The following SLC22A15 variants were observed in gnomAD, a reference collection of about 807,000 sequenced individuals.
SLC22A15 encodes the protein solute carrier family 22 member 15.
Under a neutral mutation model 62.7 loss-of-function variants are expected in SLC22A15, and 45 were observed. The observed-to-expected ratio is 0.72, with a 90% CI of 0.56 to 0.92. The LOEUF is 0.92. SLC22A15 is among the 40% of genes least tolerant of loss of function. The pLI, the probability that SLC22A15 is intolerant of heterozygous loss-of-function variation, is 0.00. For missense variants in SLC22A15, 622 were observed against 665.6 expected, an observed-to-expected ratio of 0.93 and a Z score of 0.72; for synonymous variants, 264 against 267.0, an observed-to-expected ratio of 0.99 and a Z score of 0.11.
At chr1:115,976,764 G>A (rs781703674) in intron 1 of SLC22A15, 50 bp downstream of exon 1, 1 of 1,444,142 alleles carries the variant, frequency 6.9e-7, no homozygotes, top group Non-Finnish European at 9.5e-7. Context: ...GGGCCGCCCG[G>A]CGCAGGGCTA....
chr1:116,063,384 T>A (rs1372855032), intron 9 of SLC22A15, among the ~76,000 whole-genome samples: 1 of 152,186 alleles, frequency 6.6e-6, no homozygotes, highest in Non-Finnish European at 1.5e-5. Context: ...TTGAAAAGAA[T>A]AAATATCCAG....
At chr1:116,043,079 A>T (rs1318778716) in intron 8 of SLC22A15, among the ~76,000 whole-genome samples, 1 of 152,210 alleles carries the variant, frequency 6.6e-6, no homozygotes, top group Non-Finnish European at 1.5e-5. Context: ...ATGTGGATTG[A>T]AGAAAAAAAT....
At chr1:116,015,399 A>C (rs1019337555) in intron 2 of SLC22A15, 1 of 152,200 alleles carries the variant, frequency 6.6e-6, no homozygotes, top group Admixed American at 6.5e-5. Flanking sequence ...GGAAATGGCA[A>C]CCTGAGAATC....
intron 2 of SLC22A15, among the ~76,000 whole-genome samples, chr1:116,005,802 A>G (rs1430465028): frequency 6.6e-6 from 1 of 152,120 alleles, no homozygotes; most frequent in Non-Finnish European, 1.5e-5. Context: ...GTACCTACAC[A>G]TTGGATTATC....
In SLC22A15 at chr1:116,069,735, A is replaced by C. The variant is rs997448173; in HGVS notation, c.*2627A>C. ...AGTATTTAAAAATGAGCAAATAAACAAAATGAGGCAAATAAATGAAGAAAA... is the reference window on the plus strand; with the variant it reads ...AGTATTTAAAAATGAGCAAATAAACCAAATGAGGCAAATAAATGAAGAAAA... On this transcript the variant is annotated 3_prime_UTR_variant, in exon 12 of 12. Coordinates refer to ENST00000369503, the MANE Select transcript of SLC22A15 (RefSeq NM_018420.3). The C allele has an allele frequency of 6.6e-6, 1 of 152,228 alleles. No homozygotes were observed. The highest frequency in any genetic ancestry group is 1.5e-5 in the Non-Finnish European group (1 of 68,036). 9.4% of individuals were successfully genotyped at this position (152,228 alleles called of 1,614,324 possible). A position where few individuals can be genotyped will look rare whatever the true frequency, so the allele number is the denominator to read the frequency against.
intron 8 of SLC22A15, 106 bp downstream of exon 8, chr1:116,037,494 C>G (rs941712663): frequency 5.9e-6 from 5 of 851,500 alleles, no homozygotes; most frequent in African/African-American, 5.0e-5. Context: ...TCTGTGATTG[C>G]ATATTGTTTA....
intron 2 of SLC22A15, chr1:116,013,738 G>T (rs1361058217): frequency 6.6e-6 from 1 of 152,166 alleles, no homozygotes; most frequent in Non-Finnish European, 1.5e-5. Context: ...ATGATTTTAA[G>T]AGAGATGCTA....
chr1:115,995,644 G>A (rs930292077), intron 2 of SLC22A15, among the ~76,000 whole-genome samples: 5 of 152,098 alleles, frequency 3.3e-5, no homozygotes, highest in Non-Finnish European at 7.3e-5. Flanking sequence ...TCCCTTGTCT[G>A]TCTGTCTGTC....
chr1:115,976,795 C>A (rs1654316836), intron 1 of SLC22A15, 81 bp downstream of exon 1: 6 of 1,098,948 alleles, frequency 5.5e-6, no homozygotes, highest in South Asian at 5.3e-5. Flanking sequence ...CCCAGACCGC[C>A]GGGGCCGGGG....
chr1:115,995,142 G>A (rs561116733), intron 2 of SLC22A15, among the ~76,000 whole-genome samples: 1 of 152,192 alleles, frequency 6.6e-6, no homozygotes, highest in South Asian at 2.1e-4. Flanking sequence ...CCCTCTCAGG[G>A]TATCATATCA....
At chr1:116,037,126 A>G (rs1035045864) in intron 7 of SLC22A15, among the ~76,000 whole-genome samples, 177 bp from the exon 8 acceptor site, 1 of 152,196 alleles carries the variant, frequency 6.6e-6, no homozygotes, top group African/African-American at 2.4e-5. Flanking sequence ...TTTGTTTTAT[A>G]GTGGTTATTT....
chr1:116,066,762 A>G, intron 11 of SLC22A15, 54 bp downstream of exon 11: 3 of 1,501,786 alleles, frequency 2.0e-6, no homozygotes, highest in Non-Finnish European at 9.0e-7. Context: ...GTTAATGAAA[A>G]AAAGAAGGTT....
intron 8 of SLC22A15, among the ~76,000 whole-genome samples, chr1:116,043,090 C>T (rs1375445604): frequency 6.6e-6 from 1 of 152,058 alleles, no homozygotes; most frequent in Non-Finnish European, 1.5e-5. Context: ...AGAAAAAAAT[C>T]ACAAGGAAAA....
intron 9 of SLC22A15, among the ~76,000 whole-genome samples, chr1:116,063,761 G>A (rs1202706278): frequency 1.3e-5 from 2 of 152,128 alleles, no homozygotes; most frequent in Non-Finnish European, 2.9e-5. Context: ...GCAAATGTGG[G>A]TATGAACTTT....
intron 4 of SLC22A15, among the ~76,000 whole-genome samples, chr1:116,025,333 G>A (rs937932626): frequency 1.3e-5 from 2 of 152,152 alleles, no homozygotes; most frequent in Non-Finnish European, 2.9e-5. Flanking sequence ...CTACAGCAGT[G>A]AACCAGTAGT....
chr1:116,064,653 G>C, intron 10 of SLC22A15, 145 bp downstream of exon 10: 1 of 645,612 alleles, frequency 1.5e-6, no homozygotes, highest in Non-Finnish European at 2.8e-6. Context: ...ATAGTATTCC[G>C]TCAGGGCAGA....
intron 8 of SLC22A15, 114 bp from the exon 9 acceptor site, chr1:116,062,642 ACTATCT>A: frequency 8.8e-7 from 1 of 1,131,054 alleles, no homozygotes; most frequent in Non-Finnish European, 1.3e-6. Context: ...ATTTGGTTAC[ACTATCT>A]CTTTGCTCTT....
chr1:115,987,324 C>T (rs1405328302), intron 1 of SLC22A15, among the ~76,000 whole-genome samples: 4 of 152,008 alleles, frequency 2.6e-5, no homozygotes, highest in Admixed American at 6.6e-5. Flanking sequence ...TGCCACCACG[C>T]CCAGCTAATT....
chr1:115,977,209 G>A (rs1218793748), intron 1 of SLC22A15, among the ~76,000 whole-genome samples: 1 of 152,112 alleles, frequency 6.6e-6, no homozygotes, highest in Non-Finnish European at 1.5e-5. Context: ...CTTTTCCTGG[G>A]CTTGAGGGGG....
Sources: gnomAD v4.1 joint callset for allele counts (sites outside exome capture counted in the v4.1 genomes callset) on GRCh38, gnomAD v4.1.1 for gene constraint, MANE v1.5 for transcripts, NCBI Gene and HGNC (gene_info 2026-07-23, HGNC 2026-07-21) for gene names.